Variants in MORN2 observed in about 807,000 individuals in gnomAD.
MORN2 encodes the protein MORN repeat-containing protein 2.
A neutral mutation model predicts 13.4 loss-of-function variants in MORN2; 15 were observed. The observed-to-expected ratio is 1.12, with a 90% CI of 0.75 to 1.72. MORN2 has a LOEUF of 1.72. Ranked by LOEUF, MORN2 falls within the 40% of genes most tolerant of loss-of-function variation. The probability of loss-of-function intolerance (pLI) is 0.00; values close to 1 mark genes in which losing one functional copy is unlikely to be tolerated. For missense variants in MORN2, 168 were observed against 134.6 expected (o/e 1.25, Z -1.23); for synonymous variants, 46 against 43.6 (o/e 1.06, Z -0.22).
Position 38,876,027 on chromosome 2 carries a change from C to T in MORN2, c.-26C>T, listed in dbSNP as rs113541317. The T allele has an allele frequency of 7.5e-6, 3 of 398,802 alleles. No homozygotes were observed. The South Asian group carries it at 3.8e-4, about 51-fold the overall frequency. The allele number at this position is 398,802 out of a possible 1,614,324, so 24.7% of individuals were successfully genotyped here. Reference sequence around the variant, plus strand: ...CAAGTCGCACCTGGAGCTGTCCTAGCGCCTAGTTCTCTCCCGGCCGCAGAG... The same window carrying T: ...CAAGTCGCACCTGGAGCTGTCCTAGTGCCTAGTTCTCTCCCGGCCGCAGAG... On this transcript the variant is annotated 5_prime_UTR_variant, in exon 1 of 5. Coordinates refer to ENST00000644631, the MANE Select transcript of MORN2 (RefSeq NM_001145450.3).
intron 1 of MORN2, among the ~76,000 whole-genome samples, chr2:38,877,485 A>G (rs1346584508): frequency 6.6e-6 from 1 of 152,060 alleles, no homozygotes; most frequent in Non-Finnish European, 1.5e-5. Context: ...AAATAAGCAA[A>G]CATAACTAAA....
Position 38,882,104 on chromosome 2 carries a change from G to A in MORN2, c.354-309G>A, listed in dbSNP as rs149738101. On this transcript the variant is annotated intron_variant, in intron 4 of 4. Transcript: ENST00000644631. Reference sequence around the variant, plus strand: ...AGTGAAGTAATTAAGCTAGATAACCGATATAAACTTTTCATTTTTTTAACT... The same window carrying A: ...AGTGAAGTAATTAAGCTAGATAACCAATATAAACTTTTCATTTTTTTAACT... Among the ~76,000 whole-genome samples the A allele has an allele frequency of 7.6e-4, 115 of 152,204 alleles. 1 individual carries two copies. In the East Asian group the frequency reaches 0.015, roughly 20 times the overall value.
At chr2:38,876,910 G>C (rs527701951) in intron 1 of MORN2, among the ~76,000 whole-genome samples, 1 of 152,210 alleles carries the variant, frequency 6.6e-6, no homozygotes, top group African/African-American at 2.4e-5. Context: ...TCCAAGGTCA[G>C]AGAAAATGGT....
chr2:38,879,502 T>A (rs1364849272), intron 1 of MORN2, among the ~76,000 whole-genome samples: 1 of 152,130 alleles, frequency 6.6e-6, no homozygotes, highest in Non-Finnish European at 1.5e-5. Context: ...TGGATGAGCC[T>A]TGGAAACATT....
intron 1 of MORN2, among the ~76,000 whole-genome samples, chr2:38,876,429 T>C (rs1665624582): frequency 6.6e-6 from 1 of 152,236 alleles, no homozygotes; most frequent in Non-Finnish European, 1.5e-5. Context: ...TTAGCGGCAA[T>C]TGAAAACAGT....
intron 3 of MORN2, 37 bp downstream of exon 3, chr2:38,880,743 T>C: frequency 6.5e-7 from 1 of 1,548,274 alleles, no homozygotes; most frequent in Non-Finnish European, 8.7e-7. Context: ...AGTGGATAAA[T>C]AACCCTGTAG....
chr2:38,880,717 T>C lies in MORN2; in HGVS notation c.216+11T>C. ...TGGAAAGATGACAAGGTATTATTGT[T>C]GTTTTTAATATTGGCAGTGGATAAA... On this transcript the variant is annotated intron_variant, in intron 3 of 4. Transcript: ENST00000644631. 1.3e-6 allele frequency: 2 copies of C among 1,549,796 alleles called. No individual in the cohort carries two copies. Among genetic ancestry groups the C allele is most frequent in the Non-Finnish European group, 1.7e-6 (2 of 1,146,638 alleles).
At chr2:38,879,215 G>A (rs1335219472) in intron 1 of MORN2, among the ~76,000 whole-genome samples, 2 of 151,806 alleles carry the variant, frequency 1.3e-5, no homozygotes, top group Non-Finnish European at 2.9e-5. Flanking sequence ...ACCTCTGTGG[G>A]ACAATCAGTA....
chr2:38,877,291 TTA>T (rs1385828256), intron 1 of MORN2, among the ~76,000 whole-genome samples: 32 of 149,674 alleles, frequency 2.1e-4, no homozygotes, highest in African/African-American at 8.0e-4. Flanking sequence ...AATAAATAAA[TTA>T]AATTAAATTA....
At chr2:38,879,425 T>C (rs925398837) in intron 1 of MORN2, among the ~76,000 whole-genome samples, 5 of 152,224 alleles carry the variant, frequency 3.3e-5, no homozygotes, top group African/African-American at 1.2e-4. Context: ...ATGCTGTTTC[T>C]GTACAACATA....
intron 3 of MORN2, 64 bp downstream of exon 3, chr2:38,880,770 C>T (rs1250998145): frequency 2.6e-6 from 4 of 1,522,628 alleles, no homozygotes; most frequent in Non-Finnish European, 3.5e-6. Flanking sequence ...TGATTCCAGG[C>T]ATTTCACCAT....
intron 4 of MORN2, 65 bp downstream of exon 4, chr2:38,881,643 A>G: frequency 8.3e-7 from 1 of 1,208,178 alleles, no homozygotes; most frequent in Non-Finnish European, 1.1e-6. Context: ...TGTTTGCTTA[A>G]ATACTTATTT....
rs138296004 is a variant in MORN2 at position 38,879,748 on chromosome 2, T to C, written c.59-431T>C. Among the ~76,000 whole-genome samples, 22 of 152,276 alleles carry C rather than the reference T, an allele frequency of 1.4e-4. 1 individual carries two copies. The South Asian group carries it at 2.3e-3, about 16-fold the overall frequency. On this transcript the variant is annotated intron_variant, in intron 1 of 4. Transcript: ENST00000644631. ...TAGATTGTGATGATAGTTGCACAAC[T>C]CTGAATATACTAAAAAAATCAAATT...
intron 4 of MORN2, among the ~76,000 whole-genome samples, 174 bp downstream of exon 4, chr2:38,881,752 G>A (rs1193408111): frequency 6.6e-6 from 1 of 152,144 alleles, no homozygotes; most frequent in Non-Finnish European, 1.5e-5. Flanking sequence ...CCGGGTTCAA[G>A]CGATTCTCTT....
At chr2:38,876,257 C>A (rs1665615423) in intron 1 of MORN2, 147 bp downstream of exon 1, 1 of 396,268 alleles carries the variant, frequency 2.5e-6, no homozygotes, top group African/African-American at 2.1e-5. Flanking sequence ...ACGGGGGAAC[C>A]CCTGGTCTGG....
chr2:38,876,575 A>G (rs1336991365), intron 1 of MORN2, among the ~76,000 whole-genome samples: 1 of 152,138 alleles, frequency 6.6e-6, no homozygotes, highest in African/African-American at 2.4e-5. Flanking sequence ...GTGAGAAGAG[A>G]TTTGACTAAT....
rs1283689305 is a variant in MORN2 at position 38,882,493 on chromosome 2, T to C, written c.434T>C (p.Leu145Pro). Residue 145 changes from leucine to proline, a missense_variant, in exon 5 of 5, where the codon CTG becomes CCG. Coordinates refer to ENST00000644631, the MANE Select transcript of MORN2 (RefSeq NM_001145450.3). ...TTTCATTTTACAGCTGCTCCAGACCTGAAATTAAAGCTTCACATGTAGATG... is the reference window on the plus strand; with the variant it reads ...TTTCATTTTACAGCTGCTCCAGACCCGAAATTAAAGCTTCACATGTAGATG... 2 of 1,549,880 alleles carry C rather than the reference T, an allele frequency of 1.3e-6. No homozygotes were observed. Among genetic ancestry groups the C allele is most frequent in the Non-Finnish European group, 1.7e-6 (2 of 1,145,808 alleles).
rs113541317 is a variant in MORN2 at position 38,876,027 on chromosome 2, C to A, written c.-26C>A. 1.2e-3 allele frequency: 471 copies of A among 398,802 alleles called. 1 individual carries two copies. Among genetic ancestry groups the A allele is most frequent in the Admixed American group, 2.9e-3 (66 of 22,736 alleles). 24.7% of individuals were successfully genotyped at this position (398,802 alleles called of 1,614,324 possible). A position where few individuals can be genotyped will look rare whatever the true frequency, so the allele number is the denominator to read the frequency against. ...CAAGTCGCACCTGGAGCTGTCCTAGCGCCTAGTTCTCTCCCGGCCGCAGAG... is the reference window on the plus strand; with the variant it reads ...CAAGTCGCACCTGGAGCTGTCCTAGAGCCTAGTTCTCTCCCGGCCGCAGAG... On this transcript the variant is annotated 5_prime_UTR_variant, in exon 1 of 5. Transcript: ENST00000644631.
At chr2:38,881,629 G>T in intron 4 of MORN2, 51 bp downstream of exon 4, 1 of 1,336,298 alleles carries the variant, frequency 7.5e-7, no homozygotes, top group Non-Finnish European at 1.0e-6. Flanking sequence ...ATTATTTTCT[G>T]GTATGTTTGC....
Sources: gnomAD v4.1 joint callset for allele counts (sites outside exome capture counted in the v4.1 genomes callset) on GRCh38, gnomAD v4.1.1 for gene constraint, MANE v1.5 for transcripts, NCBI Gene and HGNC (gene_info 2026-07-23, HGNC 2026-07-21) for gene names.